TRPM3: variants seen among roughly 807,000 people sequenced by gnomAD.
TRPM3 encodes long transient receptor potential channel 3.
TRPM3 carries 77 observed loss-of-function variants against 181.2 expected under a neutral mutation model. The observed-to-expected ratio is 0.42, with a 90% CI of 0.35 to 0.51. TRPM3 has a LOEUF of 0.51. Among genes scored for constraint, TRPM3 ranks in the 20% least tolerant of loss-of-function variants. The pLI, the probability that TRPM3 is intolerant of heterozygous loss-of-function variation, is 0.01. For missense variants in TRPM3, 1,759 were observed against 2,196.7 expected, an observed-to-expected ratio of 0.80 and a Z score of 3.98; for synonymous variants, 745 against 796.4, an observed-to-expected ratio of 0.94 and a Z score of 1.09.
At chr9:71,050,364 A>T (rs1163172712) in intron 1 of TRPM3, among the ~76,000 whole-genome samples, 1 of 152,176 alleles carries the variant, frequency 6.6e-6, no homozygotes, top group Non-Finnish European at 1.5e-5. Flanking sequence ...TAAAAAGTAC[A>T]ATTTGTATCT....
chr9:71,117,682 T>C, intron 1 of TRPM3, among the ~76,000 whole-genome samples: 1 of 152,182 alleles, frequency 6.6e-6, no homozygotes, highest in East Asian at 1.9e-4. Flanking sequence ...TTCCAGAATA[T>C]AATTTCTTTA....
chr9:71,385,907 A>G (rs570591435), intron 1 of TRPM3, among the ~76,000 whole-genome samples: 132 of 151,752 alleles, frequency 8.7e-4, no homozygotes, highest in Middle Eastern at 3.4e-3. Context: ...GGGTTTCACC[A>G]TGTTGGCCAG....
At chr9:71,430,370 G>A (rs2093936477) in intron 1 of TRPM3, among the ~76,000 whole-genome samples, 1 of 152,158 alleles carries the variant, frequency 6.6e-6, no homozygotes, top group African/African-American at 2.4e-5. Flanking sequence ...ATCCCTACCA[G>A]ATGGGAAAGA....
chr9:71,408,768 T>C (rs2093485798), intron 1 of TRPM3, among the ~76,000 whole-genome samples: 1 of 151,752 alleles, frequency 6.6e-6, no homozygotes, highest in African/African-American at 2.4e-5. Context: ...ACAAAGATAC[T>C]CCTCGAGGAG....
At chr9:71,166,262 T>G (rs763264220) in intron 1 of TRPM3, among the ~76,000 whole-genome samples, 2 of 152,092 alleles carry the variant, frequency 1.3e-5, no homozygotes, top group Non-Finnish European at 2.9e-5. Flanking sequence ...TATCACCCTC[T>G]TTCCCCAAAT....
intron 1 of TRPM3, among the ~76,000 whole-genome samples, chr9:70,897,768 T>C (rs1431650147): frequency 1.3e-5 from 2 of 152,140 alleles, no homozygotes; most frequent in African/African-American, 4.8e-5. Context: ...ACCTATTAGT[T>C]GGTGCAAAAA....
intron 1 of TRPM3, among the ~76,000 whole-genome samples, chr9:71,257,783 G>C (rs991361058): frequency 3.9e-5 from 6 of 152,124 alleles, no homozygotes; most frequent in African/African-American, 1.4e-4. Flanking sequence ...AGTACTGGTA[G>C]GTCTTTTGAT....
chr9:70,866,900 A>T (rs2095661389), intron 1 of TRPM3, among the ~76,000 whole-genome samples: 2 of 152,162 alleles, frequency 1.3e-5, no homozygotes, highest in African/African-American at 4.8e-5. Flanking sequence ...TACATTCTAA[A>T]GCCAGGGTTT....
intron 1 of TRPM3, among the ~76,000 whole-genome samples, chr9:71,224,139 G>A (rs1189588364): frequency 2.0e-5 from 3 of 152,186 alleles, no homozygotes; most frequent in Non-Finnish European, 4.4e-5. Context: ...AGTGGTGGTG[G>A]GGCCACAGGA....
At chr9:71,180,340 C>G (rs934726818) in intron 1 of TRPM3, among the ~76,000 whole-genome samples, 2 of 152,164 alleles carry the variant, frequency 1.3e-5, no homozygotes, top group African/African-American at 4.8e-5. Context: ...CAGGCATGAG[C>G]CACTTCACCC....
intron 1 of TRPM3, among the ~76,000 whole-genome samples, chr9:71,141,082 A>G (rs1350609310): frequency 6.6e-6 from 1 of 152,238 alleles, no homozygotes; most frequent in Non-Finnish European, 1.5e-5. Flanking sequence ...GCTTACAAGA[A>G]TTCAAATCAA....
intron 1 of TRPM3, among the ~76,000 whole-genome samples, chr9:71,318,780 GAAAT>G (rs1372665715): frequency 3.9e-5 from 6 of 152,192 alleles, no homozygotes; most frequent in Admixed American, 2.0e-4. Flanking sequence ...AAGTATAGCT[GAAAT>G]AAGATAAACT....
intron 1 of TRPM3, among the ~76,000 whole-genome samples, chr9:71,374,405 A>C (rs2092612045): frequency 6.6e-6 from 1 of 151,614 alleles, no homozygotes; most frequent in African/African-American, 2.4e-5. Flanking sequence ...AAAACAAAAC[A>C]AAAAAAACCA....
rs767887244 is a variant in TRPM3 at position 71,385,561 on chromosome 9, A to G, written c.183+61092T>C. The stretch of plus-strand genomic sequence containing the variant: ...CAATATGGCTTATTTCCAGTTTTTC[A>G]CAATCATGTTGCAACCAGACCACAA... On this transcript the variant is annotated intron_variant, in intron 1 of 24. Coordinates refer to the TRPM3 transcript ENST00000357533. Among the ~76,000 whole-genome samples, 29 of 152,314 alleles carry G rather than the reference A, an allele frequency of 1.9e-4. 1 individual carries two copies. Among genetic ancestry groups the G allele is most frequent in the African/African-American group, 7.0e-4 (29 of 41,568 alleles).
intron 12 of TRPM3, among the ~76,000 whole-genome samples, chr9:70,632,772 C>T (rs1589570617): frequency 6.6e-6 from 1 of 152,268 alleles, no homozygotes; most frequent in Admixed American, 6.5e-5. Context: ...TTCTTACCAT[C>T]CTGTTCTTTC....
intron 2 of TRPM3, among the ~76,000 whole-genome samples, chr9:70,864,198 T>C (rs2095588109): frequency 6.6e-6 from 1 of 152,222 alleles, no homozygotes; most frequent in African/African-American, 2.4e-5. Context: ...CAGTGATTAA[T>C]TCCTTCCACA....
intron 7 of TRPM3, among the ~76,000 whole-genome samples, chr9:70,770,595 A>G (rs1006331139): frequency 3.9e-5 from 6 of 152,226 alleles, no homozygotes; most frequent in African/African-American, 1.4e-4. Context: ...ATGCTATGGT[A>G]TGGTGCCTTT....
chr9:71,394,001 AT>A (rs1450753070), intron 1 of TRPM3, among the ~76,000 whole-genome samples: 4 of 152,206 alleles, frequency 2.6e-5, no homozygotes, highest in Non-Finnish European at 4.4e-5. Flanking sequence ...AGAAAAAAAA[AT>A]GTGTATTGTG....
intron 1 of TRPM3, among the ~76,000 whole-genome samples, chr9:71,204,269 A>G (rs2131749136): frequency 6.6e-6 from 1 of 151,260 alleles, no homozygotes; most frequent in East Asian, 1.9e-4. Flanking sequence ...ATCAGAGTGA[A>G]CAGGCAACCT....
Sources: gnomAD v4.1 joint callset for allele counts (sites outside exome capture counted in the v4.1 genomes callset) on GRCh38, gnomAD v4.1.1 for gene constraint, MANE v1.5 for transcripts, NCBI Gene and HGNC (gene_info 2026-07-23, HGNC 2026-07-21) for gene names.